Variants in CACNA1E observed in about 807,000 individuals in gnomAD.
The protein encoded by CACNA1E is calcium voltage-gated channel subunit alpha1 E.
Under a neutral mutation model 259.2 loss-of-function variants are expected in CACNA1E, and 40 were observed. The observed-to-expected ratio is 0.15, with a 90% CI of 0.12 to 0.20. CACNA1E has a LOEUF of 0.20. Among genes scored for constraint, CACNA1E ranks in the 10% least tolerant of loss-of-function variants. CACNA1E has a pLI of 1.00. For synonymous variants in CACNA1E, 1,104 were observed against 1,138.5 expected, an observed-to-expected ratio of 0.97 and a Z score of 0.61; for missense variants, 1,874 against 3,040.1, an observed-to-expected ratio of 0.62 and a Z score of 9.02.
chr1:181,806,679 C>T lies in CACNA1E; in HGVS notation c.*7845C>T, dbSNP rs940120632. 2.6e-5 allele frequency: 4 copies of T among 151,870 alleles called. No individual in the cohort carries two copies. Among genetic ancestry groups the T allele is most frequent in the South Asian group, 2.1e-4 (1 of 4,778 alleles). The allele number at this position is 151,870 out of a possible 1,614,324, so 9.4% of individuals were successfully genotyped here. Reference sequence around the variant, plus strand: ...GCGGATATCCTATAATATAGATGCTCGTTTGGATCCAAAAGGAAAACCATT... The same window carrying T: ...GCGGATATCCTATAATATAGATGCTTGTTTGGATCCAAAAGGAAAACCATT... On this transcript the variant is annotated 3_prime_UTR_variant, in exon 48 of 48. Transcript: ENST00000367573.
At position 181,580,675 on chromosome 1, in the gene CACNA1E, G is replaced by A; in HGVS notation, c.850G>A (p.Gly284Ser). ...TGGTTATGAATGCAAGGACTGGATC[G>A]GCCCCAATGATGGGATCACCCAGTT... The part of the protein sequence containing the change: ...PAGYECKDWI[G>S]PNDGITQFDN... Residue 284 changes from glycine to serine, a missense_variant, in exon 6 of 48, where the codon GGC (glycine) becomes AGC (serine). This residue lies in a region of CACNA1E where 28 missense variants were observed against 64.6 expected (regional missense o/e 0.43). Transcript: ENST00000367573. 6.2e-7 allele frequency: 1 copy of A among 1,614,034 alleles called. No individual in the cohort carries two copies. Among genetic ancestry groups the A allele is most frequent in the Non-Finnish European group, 8.5e-7 (1 of 1,179,866 alleles).
intron 1 of CACNA1E, among the ~76,000 whole-genome samples, chr1:181,394,266 A>G (rs996782796): frequency 6.6e-6 from 1 of 152,196 alleles, no homozygotes; most frequent in African/African-American, 2.4e-5. Context: ...AGCCTTGTAA[A>G]ATGGGAGGTT....
intron 12 of CACNA1E, among the ~76,000 whole-genome samples, chr1:181,718,663 CA>C (rs34003802): frequency 0.022 from 3,179 of 141,522 alleles, 36 homozygotes; most frequent in Non-Finnish European, 0.03. Context: ...CACACACACA[CA>C]CACCCTTATA....
intron 1 of CACNA1E, among the ~76,000 whole-genome samples, chr1:181,358,140 C>T (rs962370108): frequency 2.0e-5 from 3 of 152,080 alleles, no homozygotes; most frequent in Non-Finnish European, 2.9e-5. Flanking sequence ...CACACCAGGC[C>T]GGGTCCACAG....
chr1:181,785,253 G>T (rs1660757855), intron 41 of CACNA1E, 65 bp from the exon 42 acceptor site: 1 of 921,386 alleles, frequency 1.1e-6, no homozygotes, highest in Admixed American at 1.9e-5. Flanking sequence ...ACAAAGCTTA[G>T]AGGTTCCTCA....
chr1:181,551,777 G>T (rs904874692), intron 3 of CACNA1E, among the ~76,000 whole-genome samples: 2 of 152,008 alleles, frequency 1.3e-5, no homozygotes, highest in African/African-American at 4.8e-5. Flanking sequence ...TCCTTGTGAT[G>T]GGGAGCTCAC....
chr1:181,499,529 T>A (rs1429631441), intron 1 of CACNA1E, among the ~76,000 whole-genome samples: 3 of 152,230 alleles, frequency 2.0e-5, no homozygotes, highest in Non-Finnish European at 2.9e-5. Context: ...TTGGAATAGT[T>A]ACTAAGACTC....
chr1:181,453,744 C>T (rs1661295415), intron 2 of CACNA1E, among the ~76,000 whole-genome samples: 1 of 152,164 alleles, frequency 6.6e-6, no homozygotes, highest in Non-Finnish European at 1.5e-5. Context: ...TAAATCTAGT[C>T]CCAGCTGCTG....
intron 2 of CACNA1E, among the ~76,000 whole-genome samples, chr1:181,445,576 T>C (rs991183955): frequency 6.6e-6 from 1 of 152,218 alleles, no homozygotes; most frequent in Non-Finnish European, 1.5e-5. Context: ...CTTCATGTCT[T>C]TGCTGCATAC....
intron 5 of CACNA1E, 61 bp from the exon 6 acceptor site, chr1:181,580,534 C>T (rs142572453): frequency 6.6e-7 from 1 of 1,522,140 alleles, no homozygotes; most frequent in Admixed American, 1.7e-5. Flanking sequence ...TTCCTGGGGT[C>T]ATTTCCAGCT....
intron 7 of CACNA1E, among the ~76,000 whole-genome samples, chr1:181,680,617 C>T (rs1438608470): frequency 6.6e-6 from 1 of 152,182 alleles, no homozygotes; most frequent in Admixed American, 6.5e-5. Flanking sequence ...GGAAAACCTC[C>T]CGAGAGTGCT....
At chr1:181,766,445 A>G in intron 34 of CACNA1E, 101 bp from the exon 35 acceptor site, 2 of 806,800 alleles carry the variant, frequency 2.5e-6, no homozygotes, top group South Asian at 1.5e-5. Flanking sequence ...CTGTGTTTGC[A>G]TTAGCCTCCA....
chr1:181,614,224 T>A (rs1429142888), intron 6 of CACNA1E, among the ~76,000 whole-genome samples: 1 of 152,222 alleles, frequency 6.6e-6, no homozygotes, highest in Non-Finnish European at 1.5e-5. Context: ...TTTTCTTTTT[T>A]ACAATGATCC....
At chr1:181,780,854 G>C (rs576758957) in intron 38 of CACNA1E, among the ~76,000 whole-genome samples, 1 of 152,078 alleles carries the variant, frequency 6.6e-6, no homozygotes, top group Non-Finnish European at 1.5e-5. Context: ...GCCGCCTCCT[G>C]CTGCACACAC....
rs75022721 is a variant in CACNA1E at position 181,790,811 on chromosome 1, C to CTTAGT, written c.5898+259_5898+263dup. On this transcript the variant is annotated intron_variant, in intron 44 of 47. Transcript: ENST00000367573. The stretch of plus-strand genomic sequence containing the variant: ...CTTAAATTGCTTTAGGCCAAGCCCT[C>CTTAGT]TTAGTTTATGCCCGAATATCAAGTG... Among the ~76,000 whole-genome samples the CTTAGT allele has an allele frequency of 0.033, 4,991 of 152,246 alleles. 158 individuals carry two copies. The highest frequency in any genetic ancestry group is 0.17 in the South Asian group (822 of 4,822).
intron 7 of CACNA1E, among the ~76,000 whole-genome samples, chr1:181,675,486 T>C (rs1649279262): frequency 2.6e-5 from 4 of 152,132 alleles, no homozygotes; most frequent in Admixed American, 2.6e-4. Flanking sequence ...AAAACGTATA[T>C]GTGTTAAGAG....
At chr1:181,509,852 A>G (rs897265230) in intron 1 of CACNA1E, among the ~76,000 whole-genome samples, 6 of 152,224 alleles carry the variant, frequency 3.9e-5, no homozygotes, top group Admixed American at 2.0e-4. Flanking sequence ...ATAAGGTGGG[A>G]CAAAGCAAGC....
intron 6 of CACNA1E, among the ~76,000 whole-genome samples, chr1:181,597,582 G>A (rs778341312): frequency 2.0e-5 from 3 of 152,162 alleles, no homozygotes; most frequent in African/African-American, 4.8e-5. Flanking sequence ...CACTCTACAC[G>A]TGTGACTGCC....
chr1:181,657,240 T>C (rs1659280695), intron 7 of CACNA1E, among the ~76,000 whole-genome samples: 1 of 152,032 alleles, frequency 6.6e-6, no homozygotes, highest in Non-Finnish European at 1.5e-5. Context: ...TACAGTGCTG[T>C]GATTACCTTA....
Sources: gnomAD v4.1 joint callset for allele counts (sites outside exome capture counted in the v4.1 genomes callset) on GRCh38, gnomAD v4.1.1 for gene constraint, gnomAD v4.1.1 regional missense constraint, MANE v1.5 for transcripts, NCBI Gene and HGNC (gene_info 2026-07-23, HGNC 2026-07-21) for gene names.